MRTFA: variants seen among roughly 807,000 people sequenced by gnomAD.
MRTFA encodes the protein myocardin related transcription factor A, also known as myocardin-related transcription factor A.
MRTFA carries 20 observed loss-of-function variants against 83.5 expected under a neutral mutation model. That is an observed-to-expected ratio of 0.24 (90% CI 0.17 to 0.35). The LOEUF is 0.35. Among genes scored for constraint, MRTFA ranks in the 10% least tolerant of loss-of-function variants. The pLI is 1.00. For synonymous variants in MRTFA, 659 were observed against 541.2 expected (o/e 1.22, Z -3.02); for missense variants, 1,200 against 1,224.7 (o/e 0.98, Z 0.30).
intron 3 of MRTFA, among the ~76,000 whole-genome samples, chr22:40,466,864 A>G (rs2053819821): frequency 6.6e-6 from 1 of 151,768 alleles, no homozygotes; most frequent in Non-Finnish European, 1.5e-5. Context: ...ATGAAAGCTA[A>G]CACATTTAAT....
intron 1 of MRTFA, among the ~76,000 whole-genome samples, chr22:40,622,217 C>T (rs147583797): frequency 0.016 from 2,449 of 152,228 alleles, 65 homozygotes; most frequent in African/African-American, 0.056. Context: ...CGCGGTGGCT[C>T]ACGCCTGTAA....
chr22:40,593,781 C>G (rs994037933), intron 2 of MRTFA, among the ~76,000 whole-genome samples: 1 of 152,000 alleles, frequency 6.6e-6, no homozygotes, highest in Non-Finnish European at 1.5e-5. Flanking sequence ...AGAGTCCAGA[C>G]TGACATCAAC....
chr22:40,602,791 G>A (rs940543703), intron 1 of MRTFA, among the ~76,000 whole-genome samples: 1 of 151,972 alleles, frequency 6.6e-6, no homozygotes, highest in Non-Finnish European at 1.5e-5. Flanking sequence ...AGGTTGCAGC[G>A]AGCCAAGATC....
At chr22:40,584,906 G>A (rs755700001) in intron 2 of MRTFA, among the ~76,000 whole-genome samples, 11 of 152,120 alleles carry the variant, frequency 7.2e-5, no homozygotes, top group South Asian at 2.1e-4. Flanking sequence ...TTAGCTGGGC[G>A]TGGTGGCGCA....
chr22:40,566,724 T>C (rs1346897291), intron 2 of MRTFA, among the ~76,000 whole-genome samples: 2 of 152,120 alleles, frequency 1.3e-5, no homozygotes, highest in African/African-American at 2.4e-5. Context: ...TCCCAGCTAC[T>C]AGGGATGCTG....
chr22:40,587,118 T>C (rs2147370019), intron 2 of MRTFA: 2 of 455,878 alleles, frequency 4.4e-6, no homozygotes, highest in South Asian at 3.2e-5. Flanking sequence ...TTGAAGGGCT[T>C]TGGATGTCTG....
intron 7 of MRTFA, among the ~76,000 whole-genome samples, chr22:40,426,859 T>C (rs2052964785): frequency 6.6e-6 from 1 of 152,136 alleles, no homozygotes; most frequent in Non-Finnish European, 1.5e-5. Flanking sequence ...CAGCAACCAT[T>C]GTGTGAGTCT....
chr22:40,629,759 G>A (rs2056621531), intron 1 of MRTFA, among the ~76,000 whole-genome samples: 1 of 122,820 alleles, frequency 8.1e-6, no homozygotes, highest in Non-Finnish European at 1.6e-5. Context: ...CTGGGTGACA[G>A]AGCAAGATTC....
intron 4 of MRTFA, among the ~76,000 whole-genome samples, chr22:40,457,284 G>C (rs1197591220): frequency 6.6e-6 from 1 of 151,848 alleles, no homozygotes; most frequent in African/African-American, 2.4e-5. Context: ...AAAATCGCTT[G>C]AACCCAGGAG....
At chr22:40,514,644 T>C (rs1460931991) in intron 3 of MRTFA, among the ~76,000 whole-genome samples, 2 of 116,934 alleles carry the variant, frequency 1.7e-5, no homozygotes, top group Non-Finnish European at 3.8e-5. Flanking sequence ...CGGGTAATTT[T>C]TGTATGTTTT....
At chr22:40,436,488 G>A (rs906043695) in intron 4 of MRTFA, among the ~76,000 whole-genome samples, 8 of 152,100 alleles carry the variant, frequency 5.3e-5, no homozygotes, top group Non-Finnish European at 1.0e-4. Flanking sequence ...ACACACAACC[G>A]ACAGCTGAGA....
rs140688571 is a variant in MRTFA, at chr22:40,425,690, C to T, written c.602-1309G>A. 2.0e-4 allele frequency among the ~76,000 whole-genome samples: 31 copies of T among 152,330 alleles called. No individual in the cohort carries two copies. The East Asian group carries it at 4.0e-3, about 20-fold the overall frequency. On this transcript the variant is annotated intron_variant, in intron 7 of 14. Transcript: ENST00000355630. ...CCATGTGTACTTCATGCCAGACACA[C>T]GGCTAGATTTCCCCCACAATCTCCT...
Position 40,411,759 on chromosome 22 carries a change from G to A in MRTFA, c.2727C>T (p.Ser909=), listed in dbSNP as rs1602187998. Residue 909 remains serine, a synonymous_variant, in exon 15 of 15, where the codon TCC becomes TCT. Transcript: ENST00000355630. ...GGAAGTCCTCCAGGCGTCCAGGGAG[G>A]GAGGGTGAGCCTGGAGGAGGTGGGG... The A allele has an allele frequency of 1.3e-6, 2 of 1,543,486 alleles. No homozygotes were observed. Among genetic ancestry groups the A allele is most frequent in the East Asian group, 2.3e-5 (1 of 43,864 alleles).
chr22:40,437,476 A>C (rs1439377804), intron 4 of MRTFA, among the ~76,000 whole-genome samples: 2 of 152,176 alleles, frequency 1.3e-5, no homozygotes, highest in Non-Finnish European at 2.9e-5. Context: ...AATACTACGT[A>C]TCTGGCTGGG....
intron 2 of MRTFA, among the ~76,000 whole-genome samples, chr22:40,584,870 C>T (rs2056005467): frequency 6.6e-6 from 1 of 151,782 alleles, no homozygotes; most frequent in African/African-American, 2.4e-5. Context: ...ATAGTGAAAC[C>T]CCATCTCTAC....
chr22:40,434,699 G>A (rs2053134603), intron 5 of MRTFA, among the ~76,000 whole-genome samples: 1 of 152,206 alleles, frequency 6.6e-6, no homozygotes, highest in Admixed American at 6.5e-5. Context: ...TCCAGCCTGG[G>A]TGACAGAGTG....
chr22:40,552,735 A>T (rs974886651), intron 2 of MRTFA, among the ~76,000 whole-genome samples: 3 of 152,236 alleles, frequency 2.0e-5, no homozygotes, highest in Non-Finnish European at 4.4e-5. Context: ...ACCCAGTCTC[A>T]GGCAGTTCTT....
chr22:40,502,156 G>C (rs1602347144), intron 3 of MRTFA, among the ~76,000 whole-genome samples: 1 of 145,984 alleles, frequency 6.9e-6, no homozygotes. Context: ...CCGGGCGGGG[G>C]GCTGACCCCC....
intron 2 of MRTFA, among the ~76,000 whole-genome samples, chr22:40,559,168 T>C (rs563086207): frequency 2.6e-5 from 4 of 152,160 alleles, no homozygotes; most frequent in East Asian, 1.9e-4. Context: ...GGTGGGCAGA[T>C]TGTTAGAGCC....
Sources: gnomAD v4.1 joint callset for allele counts (sites outside exome capture counted in the v4.1 genomes callset) on GRCh38, gnomAD v4.1.1 for gene constraint, MANE v1.5 for transcripts, NCBI Gene and HGNC (gene_info 2026-07-23, HGNC 2026-07-21) for gene names.